The following CDH12 variants were observed in gnomAD, a reference collection of about 807,000 sequenced individuals.
The protein encoded by CDH12 is cadherin 12, also known as cadherin-12.
CDH12 carries 41 observed loss-of-function variants against 74.1 expected under a neutral mutation model. The observed-to-expected ratio is 0.55, with a 90% CI of 0.43 to 0.72. The LOEUF (loss-of-function observed/expected upper bound fraction) is 0.72. Among genes scored for constraint, CDH12 ranks in the 30% least tolerant of loss-of-function variants. The pLI, the probability that CDH12 is intolerant of heterozygous loss-of-function variation, is 0.00. For synonymous variants in CDH12, 399 were observed against 355.0 expected (o/e 1.12, Z -1.39); for missense variants, 945 against 977.2 (o/e 0.97, Z 0.44).
chr5:22,322,735 T>A (rs917945179), intron 3 of CDH12, among the ~76,000 whole-genome samples: 1 of 152,226 alleles, frequency 6.6e-6, no homozygotes, highest in Admixed American at 6.5e-5. Context: ...CACAGACTTT[T>A]TATTGATGAA....
chr5:22,587,601 C>A (rs928770387), intron 1 of CDH12, among the ~76,000 whole-genome samples: 62 of 152,048 alleles, frequency 4.1e-4, no homozygotes, highest in African/African-American at 1.2e-3. Context: ...GTGGTGATAC[C>A]AGCTCCCTTA....
intron 5 of CDH12, among the ~76,000 whole-genome samples, chr5:22,044,350 A>C (rs1477982047): frequency 6.6e-6 from 1 of 152,202 alleles, no homozygotes; most frequent in East Asian, 1.9e-4. Context: ...ACAGTTCTGC[A>C]TGGCTGGAAG....
intron 3 of CDH12, among the ~76,000 whole-genome samples, chr5:22,255,586 C>A (rs1753282940): frequency 6.6e-6 from 1 of 151,386 alleles, no homozygotes; most frequent in Non-Finnish European, 1.5e-5. Context: ...GTCTCAAGGT[C>A]AGTATTTAAG....
At chr5:22,827,782 C>T (rs1307213466) in intron 1 of CDH12, among the ~76,000 whole-genome samples, 1 of 152,048 alleles carries the variant, frequency 6.6e-6, no homozygotes, top group Non-Finnish European at 1.5e-5. Flanking sequence ...AGAATGATAA[C>T]CTCAAAGTTC....
At chr5:22,051,473 T>C (rs1193589874) in intron 5 of CDH12, among the ~76,000 whole-genome samples, 2 of 152,136 alleles carry the variant, frequency 1.3e-5, no homozygotes, top group African/African-American at 4.8e-5. Flanking sequence ...CCATGTAACA[T>C]TTTGTTGTTG....
intron 8 of CDH12, among the ~76,000 whole-genome samples, chr5:21,841,775 A>G (rs1327790093): frequency 6.7e-6 from 1 of 149,742 alleles, no homozygotes; most frequent in Non-Finnish European, 1.5e-5. Context: ...ACCAAACACC[A>G]CATATTCTCA....
At chr5:22,799,989 G>A (rs1478584535) in intron 1 of CDH12, among the ~76,000 whole-genome samples, 1 of 152,002 alleles carries the variant, frequency 6.6e-6, no homozygotes, top group African/African-American at 2.4e-5. Context: ...TATTTGAATG[G>A]ATTTTATTTT....
At chr5:22,304,548 T>C (rs993152192) in intron 3 of CDH12, among the ~76,000 whole-genome samples, 2 of 152,206 alleles carry the variant, frequency 1.3e-5, no homozygotes, top group Admixed American at 6.5e-5. Context: ...AGTCCGATGA[T>C]GGCATTCAGC....
At chr5:22,481,802 C>G (rs1309300057) in intron 2 of CDH12, among the ~76,000 whole-genome samples, 1 of 152,118 alleles carries the variant, frequency 6.6e-6, no homozygotes, top group African/African-American at 2.4e-5. Flanking sequence ...ATCAACCATA[C>G]AGTTTTGTGC....
intron 5 of CDH12, among the ~76,000 whole-genome samples, chr5:22,035,622 C>G (rs1457627990): frequency 6.6e-6 from 1 of 151,316 alleles, no homozygotes; most frequent in Non-Finnish European, 1.5e-5. Context: ...ATCAGGTGTC[C>G]TAGAACTGAC....
At chr5:22,369,814 T>G (rs1325242128) in intron 3 of CDH12, among the ~76,000 whole-genome samples, 1 of 152,210 alleles carries the variant, frequency 6.6e-6, no homozygotes, top group Non-Finnish European at 1.5e-5. Flanking sequence ...ACACTCAAAA[T>G]CATTCATAGT....
chr5:21,965,919 G>A (rs1386919164), intron 6 of CDH12, among the ~76,000 whole-genome samples: 1 of 151,994 alleles, frequency 6.6e-6, no homozygotes, highest in African/African-American at 2.4e-5. Flanking sequence ...ACATAATTGT[G>A]TGAGGAATAA....
intron 2 of CDH12, among the ~76,000 whole-genome samples, chr5:22,407,630 C>T (rs1742995739): frequency 6.6e-6 from 1 of 152,024 alleles, no homozygotes; most frequent in Non-Finnish European, 1.5e-5. Context: ...TTCAAGCTTA[C>T]CTGTCATCAT....
intron 1 of CDH12, among the ~76,000 whole-genome samples, chr5:22,739,151 A>G (rs925516072): frequency 3.3e-5 from 5 of 152,072 alleles, no homozygotes; most frequent in African/African-American, 7.2e-5. Flanking sequence ...TTTGGTTTCA[A>G]TGAGAATTTT....
At chr5:21,804,626 AT>A (rs1747324253) in intron 9 of CDH12, among the ~76,000 whole-genome samples, 1 of 143,400 alleles carries the variant, frequency 7.0e-6, no homozygotes, top group Non-Finnish European at 1.5e-5. Flanking sequence ...AAATAAAATC[AT>A]TCTATAGTGA....
At chr5:22,811,160 T>TAC (rs578256042) in intron 1 of CDH12, among the ~76,000 whole-genome samples, 72 of 151,800 alleles carry the variant, frequency 4.7e-4, no homozygotes, top group Middle Eastern at 3.5e-3. Context: ...CATATATATA[T>TAC]ACACACACAC....
At chr5:22,269,049 T>A (rs1189229065) in intron 3 of CDH12, among the ~76,000 whole-genome samples, 1 of 152,132 alleles carries the variant, frequency 6.6e-6, no homozygotes, top group Non-Finnish European at 1.5e-5. Flanking sequence ...TCATCTCTCT[T>A]TGTACAAGCA....
chr5:21,939,940 G>C (rs192181490), intron 6 of CDH12, among the ~76,000 whole-genome samples: 17 of 152,206 alleles, frequency 1.1e-4, no homozygotes, highest in Admixed American at 5.2e-4. Flanking sequence ...AGTTACAGAG[G>C]TCGGGCACAG....
At position 21,925,755 on chromosome 5, in the gene CDH12, G is replaced by T. The variant is rs561046376; in HGVS notation, c.526+49336C>A. Among the ~76,000 whole-genome samples, 27 of 152,038 alleles carry T rather than the reference G, an allele frequency of 1.8e-4. No homozygotes were observed. The South Asian group carries it at 3.9e-3, about 22-fold the overall frequency. ...ATAATTGATGCATTTTATATTACGG[G>T]ACATTGTTCCTTAATAGAATGTTTA... is the stretch of plus-strand genomic sequence containing the variant. On this transcript the variant is annotated intron_variant, in intron 6 of 14. Coordinates refer to ENST00000382254, the MANE Select transcript of CDH12 (RefSeq NM_004061.5).
Sources: allele counts gnomAD v4.1 joint callset (sites outside exome capture counted in the v4.1 genomes callset), GRCh38; gene constraint gnomAD v4.1.1; transcripts MANE v1.5; gene names NCBI Gene and HGNC (gene_info 2026-07-23, HGNC 2026-07-21).